AFTPH: variants seen among roughly 807,000 people sequenced by gnomAD.
The protein encoded by AFTPH is aftiphilin protein.
AFTPH carries 7 observed loss-of-function variants against 72.5 expected under a neutral mutation model. The ratio of observed to expected loss-of-function variants is 0.10; its 90% CI spans 0.05 to 0.18. The LOEUF is 0.18. Among genes scored for constraint, AFTPH ranks in the 10% least tolerant of loss-of-function variants. The pLI is 1.00. For missense variants in AFTPH, 979 were observed against 1,060.5 expected, an observed-to-expected ratio of 0.92 and a Z score of 1.07; for synonymous variants, 337 against 370.1, an observed-to-expected ratio of 0.91 and a Z score of 1.03.
At chr2:64,556,946 T>A (rs949027139) in intron 2 of AFTPH, among the ~76,000 whole-genome samples, 9 of 152,224 alleles carry the variant, frequency 5.9e-5, no homozygotes, top group Admixed American at 2.0e-4. Flanking sequence ...AGGTAAGTAG[T>A]GGTATCTCCA....
intron 8 of AFTPH, among the ~76,000 whole-genome samples, chr2:64,588,407 T>G (rs1005548072): frequency 1.3e-5 from 2 of 152,250 alleles, no homozygotes; most frequent in Non-Finnish European, 2.9e-5. Context: ...TGAACACTTG[T>G]GTATACGTTT....
At chr2:64,586,227 C>A (rs1225031106) in intron 8 of AFTPH, among the ~76,000 whole-genome samples, 1 of 152,240 alleles carries the variant, frequency 6.6e-6, no homozygotes, top group Non-Finnish European at 1.5e-5. Context: ...CAGGAAGATA[C>A]TATTCTGAAC....
intron 7 of AFTPH, among the ~76,000 whole-genome samples, chr2:64,583,110 T>TA (rs1384402822): frequency 6.6e-6 from 1 of 152,242 alleles, no homozygotes; most frequent in Non-Finnish European, 1.5e-5. Context: ...TGTTAAAAGT[T>TA]ACCATCAAGC....
intron 1 of AFTPH, among the ~76,000 whole-genome samples, chr2:64,539,132 G>A (rs922440775): frequency 5.9e-5 from 9 of 152,142 alleles, no homozygotes; most frequent in Admixed American, 1.3e-4. Context: ...TTACTTTAAA[G>A]CATGTCTGCT....
At chr2:64,574,353 A>G (rs1672640419) in intron 6 of AFTPH, among the ~76,000 whole-genome samples, 1 of 152,174 alleles carries the variant, frequency 6.6e-6, no homozygotes, top group East Asian at 1.9e-4. Flanking sequence ...AGTTTGGGAA[A>G]TACTTCATAT....
intron 3 of AFTPH, among the ~76,000 whole-genome samples, 200 bp from the exon 4 acceptor site, chr2:64,568,892 G>A (rs779562386): frequency 1.1e-4 from 17 of 152,218 alleles, no homozygotes; most frequent in African/African-American, 4.8e-5. Flanking sequence ...GATTACAGGC[G>A]TGAGCCACCG....
Position 64,553,426 on chromosome 2 carries a change from T to C in AFTPH, c.1935+17T>C, listed in dbSNP as rs1211166078. Reference sequence around the variant, plus strand: ...TCAGTTCAGGTATTTACTAATTTTCTCTATTTTGTATGATGTATTAATTGT... The same window carrying C: ...TCAGTTCAGGTATTTACTAATTTTCCCTATTTTGTATGATGTATTAATTGT... On this transcript the variant is annotated intron_variant, in intron 2 of 8. Transcript: ENST00000238856. The C allele has an allele frequency of 6.5e-7, 1 of 1,539,496 alleles. No individual in the cohort carries two copies. Among genetic ancestry groups the C allele is most frequent in the Admixed American group, 2.2e-5 (1 of 44,938 alleles).
At chr2:64,578,390 C>T (rs1672952303) in intron 6 of AFTPH, among the ~76,000 whole-genome samples, 1 of 151,890 alleles carries the variant, frequency 6.6e-6, no homozygotes, top group Non-Finnish European at 1.5e-5. Flanking sequence ...ACACCATCCC[C>T]AAAAGAAAAG....
intron 8 of AFTPH, among the ~76,000 whole-genome samples, chr2:64,586,286 C>T (rs2104241537): frequency 6.6e-6 from 1 of 152,332 alleles, no homozygotes. Flanking sequence ...GACACGCCAG[C>T]TCTGCTGTCT....
chr2:64,588,012 G>A (rs1673608389), intron 8 of AFTPH, among the ~76,000 whole-genome samples: 1 of 152,022 alleles, frequency 6.6e-6, no homozygotes, highest in South Asian at 2.1e-4. Context: ...CTGGTTTTTA[G>A]TATATTCACA....
chr2:64,579,831 T>TATTTTAGCTAGGACCA (rs1284473598), intron 7 of AFTPH: 33 of 286,386 alleles, frequency 1.2e-4, no homozygotes, highest in Non-Finnish European at 1.5e-4. Flanking sequence ...GTTTAAAAGG[T>TATTTTAGCTAGGACCA]ATTTTAGCTA....
intron 1 of AFTPH, among the ~76,000 whole-genome samples, chr2:64,538,070 C>CA (rs1489650202): frequency 1.3e-5 from 2 of 151,988 alleles, no homozygotes; most frequent in African/African-American, 2.4e-5. Context: ...AACTAAAAAT[C>CA]AGAGTACATA....
At position 64,560,091 on chromosome 2, in the gene AFTPH, T is replaced by G. The variant is rs6757699; in HGVS notation, c.1935+6682T>G. Among the ~76,000 whole-genome samples the G allele has an allele frequency of 3.8e-3, 582 of 152,284 alleles. 6 individuals are homozygous for G. Among genetic ancestry groups the G allele is most frequent in the African/African-American group, 0.013 (539 of 41,548 alleles). On this transcript the variant is annotated intron_variant, in intron 2 of 8. Coordinates refer to ENST00000238856, the Ensembl canonical transcript of AFTPH. ...TTAACCATCACAAGAGGGAACACCT[T>G]ACATCCATATATAGCTTTCAGGATT...
intron 7 of AFTPH, chr2:64,580,266 G>C (rs922161714): frequency 6.6e-6 from 1 of 152,636 alleles, no homozygotes; most frequent in African/African-American, 2.4e-5. Flanking sequence ...CTTACTGCTT[G>C]TGCTTAAGTT....
chr2:64,585,741 T>A (rs1022196185), intron 8 of AFTPH, among the ~76,000 whole-genome samples, 196 bp downstream of exon 9: 25 of 152,322 alleles, frequency 1.6e-4, no homozygotes, highest in African/African-American at 6.0e-4. Flanking sequence ...GATTATTTCA[T>A]AAGAGATTGG....
intron 1 of AFTPH, among the ~76,000 whole-genome samples, chr2:64,528,606 T>C (rs770196642): frequency 2.0e-5 from 3 of 152,128 alleles, no homozygotes; most frequent in Non-Finnish European, 2.9e-5. Flanking sequence ...TGCTGTTTTA[T>C]ATAGAGTGGA....
At chr2:64,546,202 T>A (rs1670605756) in intron 1 of AFTPH, among the ~76,000 whole-genome samples, 1 of 151,990 alleles carries the variant, frequency 6.6e-6, no homozygotes, top group Admixed American at 6.6e-5. Context: ...CCTTTTTTTT[T>A]TAATGGTAAC....
chr2:64,583,548 A>G (rs372508564), intron 7 of AFTPH, among the ~76,000 whole-genome samples: 48 of 152,292 alleles, frequency 3.2e-4, no homozygotes, highest in African/African-American at 1.2e-3. Flanking sequence ...ACCTATTGCC[A>G]GTCAGAATGC....
At chr2:64,550,465 T>G (rs1670959574) in intron 1 of AFTPH, among the ~76,000 whole-genome samples, 1 of 152,174 alleles carries the variant, frequency 6.6e-6, no homozygotes, top group South Asian at 2.1e-4. Flanking sequence ...TTCAAAGGGT[T>G]ATGTATTGTG....
Sources: gnomAD v4.1 joint callset for allele counts (sites outside exome capture counted in the v4.1 genomes callset) on GRCh38, gnomAD v4.1.1 for gene constraint, MANE v1.5 for transcripts, NCBI Gene and HGNC (gene_info 2026-07-23, HGNC 2026-07-21) for gene names.